Variants in ABCA1 observed in about 807,000 individuals in gnomAD.
ABCA1 encodes ATP binding cassette subfamily A member 1.
Under a neutral mutation model 262.5 loss-of-function variants are expected in ABCA1, and 133 were observed. That is an observed-to-expected ratio of 0.51 (90% confidence interval 0.44 to 0.59). The LOEUF is 0.59. Ranked by LOEUF, ABCA1 falls within the 20% of genes least tolerant of loss-of-function variation. The pLI, the probability that ABCA1 is intolerant of heterozygous loss-of-function variation, is 0.00. For synonymous variants in ABCA1, 1,022 were observed against 1,043.5 expected (o/e 0.98, Z 0.40); for missense variants, 2,452 against 2,777.5 (o/e 0.88, Z 2.63).
intron 21 of ABCA1, 34 bp from the exon 22 acceptor site, chr9:104,819,757 C>G (rs758375277): frequency 6.2e-7 from 1 of 1,614,066 alleles, no homozygotes; most frequent in Non-Finnish European, 8.5e-7. Flanking sequence ...AACTCCAGGA[C>G]CAGCCCCAGA....
chr9:104,884,507 G>A lies in ABCA1; in HGVS notation c.222C>T (p.Ile74=), dbSNP rs1331020338. 1.2e-6 allele frequency: 2 copies of A among 1,614,216 alleles called. No individual in the cohort carries two copies. Among genetic ancestry groups the A allele is most frequent in the Non-Finnish European group, 1.7e-6 (2 of 1,180,020 alleles). The part of the protein sequence containing the change: ...AGTLPWVQGI[I]CNANNPCFRY... ...GGAAACAGGGGTTGTTGGCATTACA[G>A]ATAATCCCCTGAACCCAAGGAAGTG... The change falls in exon 4 of 50, where the codon ATC becomes ATT. Residue 74 remains isoleucine, a synonymous_variant. Coordinates refer to ENST00000374736, the MANE Select transcript of ABCA1 (RefSeq NM_005502.4).
intron 12 of ABCA1, 43 bp from the exon 13 acceptor site, chr9:104,831,870 C>T (rs761977233): frequency 6.3e-7 from 1 of 1,587,334 alleles, no homozygotes; most frequent in South Asian, 1.1e-5. Flanking sequence ...GCAGCCAGGA[C>T]AACAAGCAGT....
intron 33 of ABCA1, 64 bp from the exon 34 acceptor site, chr9:104,802,223 T>C: frequency 7.1e-7 from 1 of 1,408,198 alleles, no homozygotes; most frequent in Non-Finnish European, 1.0e-6. Context: ...AGCAGCAGAC[T>C]CAGTGCGAGT....
intron 1 of ABCA1, among the ~76,000 whole-genome samples, chr9:104,910,039 G>A (rs770418179): frequency 8.5e-5 from 13 of 152,124 alleles, no homozygotes; most frequent in East Asian, 7.7e-4. Flanking sequence ...TTTCCTTCCC[G>A]CAAGAACACT....
At chr9:104,885,655 C>T (rs141561803) in intron 3 of ABCA1, among the ~76,000 whole-genome samples, 4 of 152,280 alleles carry the variant, frequency 2.6e-5, no homozygotes, top group African/African-American at 4.8e-5. Context: ...CATATTTGGG[C>T]TTGGTCCTAG....
At chr9:104,886,405 TG>T (rs1302894125) in intron 3 of ABCA1, among the ~76,000 whole-genome samples, 1 of 152,206 alleles carries the variant, frequency 6.6e-6, no homozygotes, top group Non-Finnish European at 1.5e-5. Context: ...CTGATCACTG[TG>T]GCCACCCTCT....
At chr9:104,888,363 A>G (rs1464353026) in intron 3 of ABCA1, among the ~76,000 whole-genome samples, 1 of 152,148 alleles carries the variant, frequency 6.6e-6, no homozygotes, top group Non-Finnish European at 1.5e-5. Flanking sequence ...AGATCTGGCC[A>G]TTTCTGCAGT....
At chr9:104,844,448 A>T (rs1315148970) in intron 8 of ABCA1, among the ~76,000 whole-genome samples, 1 of 152,142 alleles carries the variant, frequency 6.6e-6, no homozygotes, top group Non-Finnish European at 1.5e-5. Flanking sequence ...GTAGAACAGG[A>T]CAGGAAGAAA....
chr9:104,799,230 G>A (rs1830134050), intron 36 of ABCA1, among the ~76,000 whole-genome samples: 1 of 152,142 alleles, frequency 6.6e-6, no homozygotes, highest in Admixed American at 6.6e-5. Flanking sequence ...GGTATCTAAT[G>A]TGTGTGAAAT....
intron 11 of ABCA1, among the ~76,000 whole-genome samples, chr9:104,833,772 G>A (rs1442158455): frequency 6.6e-6 from 1 of 152,162 alleles, no homozygotes; most frequent in African/African-American, 2.4e-5. Flanking sequence ...GGATGTACAG[G>A]TCATGATGCA....
chr9:104,788,294 A>G (rs1829104329), intron 45 of ABCA1, 132 bp downstream of exon 45: 1 of 1,382,266 alleles, frequency 7.2e-7, no homozygotes, highest in Admixed American at 1.7e-5. Flanking sequence ...AAGCAGATAC[A>G]AAGAACCAGC....
Position 104,813,055 on chromosome 9 carries a change from C to T in ABCA1, c.3902-333G>A, listed in dbSNP as rs547369755. ...AGTCATCAATTTCTTATAGACTACTCTATGAAACAGGCCATGTACGTAGCT... is the reference window on the plus strand; with the variant it reads ...AGTCATCAATTTCTTATAGACTACTTTATGAAACAGGCCATGTACGTAGCT... On this transcript the variant is annotated intron_variant, in intron 27 of 49. Transcript: ENST00000374736. 3.3e-5 allele frequency among the ~76,000 whole-genome samples: 5 copies of T among 152,332 alleles called. No homozygotes were observed. The East Asian group carries it at 9.6e-4, about 29-fold the overall frequency.
chr9:104,899,968 C>T (rs553889780), intron 2 of ABCA1, among the ~76,000 whole-genome samples: 2 of 152,294 alleles, frequency 1.3e-5, no homozygotes, highest in African/African-American at 4.8e-5. Context: ...CCAAACTGAG[C>T]TTTGCACCCA....
chr9:104,794,632 T>C, intron 39 of ABCA1, 122 bp from the exon 40 acceptor site: 7 of 1,183,600 alleles, frequency 5.9e-6, no homozygotes, highest in Non-Finnish European at 8.3e-6. Context: ...AAAAATTTGA[T>C]TCTCTAGGGA....
intron 1 of ABCA1, among the ~76,000 whole-genome samples, chr9:104,923,652 C>A (rs2118552538): frequency 6.6e-6 from 1 of 152,340 alleles, no homozygotes; most frequent in East Asian, 1.9e-4. Context: ...CTTAGCTCTG[C>A]CTCTTGCAAG....
rs377673145 is a variant in ABCA1 at position 104,840,447 on chromosome 9, A to T, written c.886T>A (p.Ser296Thr). ...MFLTNVNSSS[S>T]STQIYQAVSR... ...ACAGCCTGGTAGATTTGGGTGGAGG[A>T]GCTGGAGCTGTTCACATTGGTCAGA... Residue 296 changes from serine (S) to threonine (T), a missense_variant, in exon 9 of 50, where the codon TCC (serine) becomes ACC (threonine). Transcript: ENST00000374736. 4.2e-5 allele frequency: 67 copies of T among 1,614,062 alleles called. 1 individual carries two copies. The East Asian group carries it at 6.2e-4, about 15-fold the overall frequency.
intron 2 of ABCA1, among the ~76,000 whole-genome samples, chr9:104,890,371 G>A (rs1839605774): frequency 6.6e-6 from 1 of 152,146 alleles, no homozygotes; most frequent in Non-Finnish European, 1.5e-5. Flanking sequence ...GCTGAGGTCA[G>A]GAATTCGAGA....
At chr9:104,924,065 C>A (rs192044213) in intron 1 of ABCA1, among the ~76,000 whole-genome samples, 2 of 152,150 alleles carry the variant, frequency 1.3e-5, no homozygotes, top group East Asian at 1.9e-4. Flanking sequence ...TGAATAAACA[C>A]GTGAAAAACA....
At chr9:104,866,900 G>A (rs1837145223) in intron 5 of ABCA1, among the ~76,000 whole-genome samples, 2 of 152,164 alleles carry the variant, frequency 1.3e-5, no homozygotes, top group Non-Finnish European at 2.9e-5. Flanking sequence ...ATTCCTTGAG[G>A]GCCAGGGTTT....
Sources: allele counts gnomAD v4.1 joint callset (sites outside exome capture counted in the v4.1 genomes callset), GRCh38; gene constraint gnomAD v4.1.1; transcripts MANE v1.5; gene names NCBI Gene and HGNC (gene_info 2026-07-23, HGNC 2026-07-21).